SLC14A2: variants seen among roughly 807,000 people sequenced by gnomAD.
SLC14A2 encodes the protein urea transporter 2.
SLC14A2 carries 91 observed loss-of-function variants against 104.6 expected under a neutral mutation model. The observed-to-expected ratio is 0.87, with a 90% CI of 0.73 to 1.04. The LOEUF (loss-of-function observed/expected upper bound fraction) is 1.04. Ranked by LOEUF, SLC14A2 falls within the 50% of genes least tolerant of loss-of-function variation. The pLI, the probability that SLC14A2 is intolerant of heterozygous loss-of-function variation, is 0.00. For missense variants in SLC14A2, 1,189 were observed against 1,156.0 expected (o/e 1.03, Z -0.41); for synonymous variants, 476 against 466.4 (o/e 1.02, Z -0.27).
chr18:45,585,613 C>A (rs1351602865), intron 2 of SLC14A2, among the ~76,000 whole-genome samples: 1 of 152,200 alleles, frequency 6.6e-6, no homozygotes, highest in Non-Finnish European at 1.5e-5. Flanking sequence ...CCCTGCAAGG[C>A]AGATCCAGCT....
chr18:45,599,837 G>C (rs2044764570), intron 2 of SLC14A2, among the ~76,000 whole-genome samples: 1 of 152,176 alleles, frequency 6.6e-6, no homozygotes, highest in South Asian at 2.1e-4. Flanking sequence ...ATCTTACATG[G>C]ATGTCAGCAG....
chr18:45,487,374 C>G (rs972332383), intron 2 of SLC14A2, among the ~76,000 whole-genome samples: 7 of 152,200 alleles, frequency 4.6e-5, no homozygotes, highest in Non-Finnish European at 8.8e-5. Flanking sequence ...AATAATCTCC[C>G]TATCTTGAGT....
At chr18:45,482,633 G>C (rs1236566432) in intron 1 of SLC14A2, 1 of 152,220 alleles carries the variant, frequency 6.6e-6, no homozygotes, top group Non-Finnish European at 1.5e-5. Context: ...TTGATGACAT[G>C]GCAGTTGGCT....
intron 1 of SLC14A2, among the ~76,000 whole-genome samples, chr18:45,432,968 CCA>C (rs1472545726): frequency 6.6e-6 from 1 of 152,154 alleles, no homozygotes; most frequent in African/African-American, 2.4e-5. Flanking sequence ...TATTTTGCCA[CCA>C]CAGATTTGCT....
intron 1 of SLC14A2, among the ~76,000 whole-genome samples, chr18:45,437,312 T>G (rs1237722165): frequency 6.6e-6 from 1 of 151,834 alleles, no homozygotes; most frequent in African/African-American, 2.4e-5. Context: ...AGGGCCAAGG[T>G]GCAGGCACAT....
chr18:45,449,779 C>T (rs2086829172), intron 1 of SLC14A2, among the ~76,000 whole-genome samples: 2 of 152,204 alleles, frequency 1.3e-5, no homozygotes, highest in Non-Finnish European at 2.9e-5. Context: ...GTTTTAATAG[C>T]AGCCAGCACT....
chr18:45,600,819 A>T (rs1250833905), intron 2 of SLC14A2, among the ~76,000 whole-genome samples: 1 of 152,200 alleles, frequency 6.6e-6, no homozygotes, highest in Non-Finnish European at 1.5e-5. Flanking sequence ...GCTTTTAAAT[A>T]ATTGAAAATA....
intron 1 of SLC14A2, among the ~76,000 whole-genome samples, chr18:45,293,830 A>G (rs774400581): frequency 2.0e-5 from 3 of 152,242 alleles, no homozygotes; most frequent in Non-Finnish European, 1.5e-5. Flanking sequence ...TAGCTTAGTA[A>G]GCACTTAAAA....
At chr18:45,222,413 G>A (rs1233415898) in intron 1 of SLC14A2, among the ~76,000 whole-genome samples, 1 of 152,150 alleles carries the variant, frequency 6.6e-6, no homozygotes, top group Non-Finnish European at 1.5e-5. Context: ...TGTGAACAAT[G>A]GAGTATTAGT....
chr18:45,295,710 A>G (rs2084912095), intron 1 of SLC14A2, among the ~76,000 whole-genome samples: 1 of 152,156 alleles, frequency 6.6e-6, no homozygotes, highest in South Asian at 2.1e-4. Context: ...TCACCTTGAT[A>G]ACTGATTTCT....
chr18:45,522,282 T>C (rs1305040798), intron 2 of SLC14A2, among the ~76,000 whole-genome samples: 1 of 152,222 alleles, frequency 6.6e-6, no homozygotes, highest in Non-Finnish European at 1.5e-5. Flanking sequence ...TTAGCCTTGC[T>C]ATCCAAAACA....
At chr18:45,195,440 G>A in the SLC14A2 span, among the ~76,000 whole-genome samples, 3 of 152,142 alleles carry the variant, frequency 2.0e-5, no homozygotes, top group African/African-American at 7.2e-5. Context: ...TGCCCAGGCT[G>A]GAGTGCAGTG....
intron 1 of SLC14A2, among the ~76,000 whole-genome samples, chr18:45,253,165 G>C (rs966280705): frequency 1.3e-5 from 2 of 152,220 alleles, no homozygotes; most frequent in Admixed American, 6.5e-5. Flanking sequence ...GATTCCACAG[G>C]TCAGGGTAGG....
intron 2 of SLC14A2, among the ~76,000 whole-genome samples, chr18:45,572,019 T>TG (rs144361410): frequency 0.01 from 1,533 of 152,232 alleles, 30 homozygotes; most frequent in African/African-American, 0.035. Context: ...CCAAAATCTC[T>TG]GGGGTAGAGT....
At chr18:45,361,416 T>C (rs2085609796) in intron 1 of SLC14A2, among the ~76,000 whole-genome samples, 1 of 152,186 alleles carries the variant, frequency 6.6e-6, no homozygotes, top group South Asian at 2.1e-4. Flanking sequence ...ATTTTGGTCC[T>C]ACCCAGCTCC....
chr18:45,357,769 G>T (rs540738289), intron 1 of SLC14A2, among the ~76,000 whole-genome samples: 67 of 152,230 alleles, frequency 4.4e-4, no homozygotes, highest in African/African-American at 1.5e-3. Context: ...TCAGGCAGTG[G>T]ACTTGCAGGA....
chr18:45,347,532 C>T (rs530005544), intron 1 of SLC14A2, among the ~76,000 whole-genome samples: 17 of 152,286 alleles, frequency 1.1e-4, no homozygotes, highest in African/African-American at 3.8e-4. Context: ...GCAGGGCCAC[C>T]TCTGTCATAG....
At chr18:45,439,018 T>G (rs2086641356) in intron 1 of SLC14A2, among the ~76,000 whole-genome samples, 2 of 152,280 alleles carry the variant, frequency 1.3e-5, no homozygotes, top group South Asian at 4.1e-4. Flanking sequence ...ACATGATAGA[T>G]TATGCCTGTA....
rs529735053 is a variant in SLC14A2, at chr18:45,258,567, T to C, written c.-125+45376T>C. ...TACTTTTGTCTTCTCAACTGAACTT[T>C]AAGCTTCTTGTAGGCAAGGACCTTT... On this transcript the variant is annotated intron_variant, in intron 1 of 20. Coordinates refer to the SLC14A2 transcript ENST00000586448. Among the ~76,000 whole-genome samples the C allele has an allele frequency of 4.9e-5, 7 of 143,780 alleles. 1 individual carries two copies. In the South Asian group the frequency reaches 1.6e-3, roughly 33 times the overall value. 94.3% of individuals were successfully genotyped at this position (143,780 alleles called of 152,430 possible).
Sources: allele counts gnomAD v4.1 joint callset (sites outside exome capture counted in the v4.1 genomes callset), GRCh38; gene constraint gnomAD v4.1.1; transcripts MANE v1.5; gene names NCBI Gene and HGNC (gene_info 2026-07-23, HGNC 2026-07-21).